Variants in LMBRD1 observed in about 807,000 individuals in gnomAD.
The protein encoded by LMBRD1 is lysosomal cobalamin transport escort protein LMBD1.
LMBRD1 carries 64 observed loss-of-function variants against 74.8 expected under a neutral mutation model. The observed-to-expected ratio is 0.86, with a 90% CI of 0.70 to 1.05. The LOEUF is 1.05. LMBRD1 is among the 50% of genes least tolerant of loss of function. LMBRD1 has a pLI of 0.00. For synonymous variants in LMBRD1, 204 were observed against 216.3 expected (o/e 0.94, Z 0.50); for missense variants, 652 against 645.9 (o/e 1.01, Z -0.10).
At chr6:69,780,585 ATGAAAC>A (rs1765810972) in intron 2 of LMBRD1, 31 bp from the exon 3 acceptor site, 1 of 1,508,604 alleles carries the variant, frequency 6.6e-7, no homozygotes, top group African/African-American at 1.4e-5. Flanking sequence ...AGAAATATTA[ATGAAAC>A]ACCCATTTGC....
intron 1 of LMBRD1, chr6:69,790,771 A>C (rs1582168892): frequency 5.3e-6 from 2 of 378,262 alleles, no homozygotes; most frequent in Admixed American, 4.1e-5. Context: ...CACAGTTATA[A>C]CTAGCTTTGA....
rs7757883 is a variant in LMBRD1 at position 69,735,444 on chromosome 6, A to T, written c.636+2498T>A. 8.2e-3 allele frequency among the ~76,000 whole-genome samples: 145 copies of T among 17,590 alleles called. No individual in the cohort carries two copies. In the East Asian group the frequency reaches 0.095, roughly 12 times the overall value. The allele number at this position is 17,590 out of a possible 152,430, so 11.5% of individuals were successfully genotyped here. On this transcript the variant is annotated intron_variant, in intron 7 of 15. Coordinates refer to ENST00000649934, the MANE Select transcript of LMBRD1 (RefSeq NM_018368.4). ...CATCAACATTATAGGAAAACAACATAAAAAAAAAAAAAAAGATGTTATTTG... is the reference window on the plus strand; with the variant it reads ...CATCAACATTATAGGAAAACAACATTAAAAAAAAAAAAAAGATGTTATTTG...
chr6:69,698,866 C>T (rs1162879892), intron 13 of LMBRD1, among the ~76,000 whole-genome samples, 177 bp downstream of exon 13: 3 of 151,592 alleles, frequency 2.0e-5, no homozygotes, highest in Non-Finnish European at 4.4e-5. Flanking sequence ...TTCAAAAAAA[C>T]AACAGTATGA....
intron 7 of LMBRD1, among the ~76,000 whole-genome samples, chr6:69,735,125 T>C (rs562849564): frequency 1.3e-5 from 2 of 152,350 alleles, no homozygotes; most frequent in South Asian, 4.1e-4. Context: ...TGCTCATTCA[T>C]TTTCCAAGCC....
At chr6:69,691,285 C>T (rs571355988) in intron 14 of LMBRD1, among the ~76,000 whole-genome samples, 1 of 150,624 alleles carries the variant, frequency 6.6e-6, no homozygotes, top group South Asian at 2.1e-4. Flanking sequence ...AGTCCTAAGT[C>T]TTATACTATC....
At chr6:69,680,328 TA>T (rs1375264309) in intron 14 of LMBRD1, among the ~76,000 whole-genome samples, 2 of 152,136 alleles carry the variant, frequency 1.3e-5, no homozygotes, top group African/African-American at 4.8e-5. Context: ...ACTTAAAAAA[TA>T]AAAGTTATTT....
At chr6:69,749,671 G>A (rs1582121339) in intron 4 of LMBRD1, among the ~76,000 whole-genome samples, 1 of 151,714 alleles carries the variant, frequency 6.6e-6, no homozygotes, top group Middle Eastern at 3.4e-3. Context: ...TAATTCTCCA[G>A]TAGGCATCTT....
At chr6:69,722,520 A>T in intron 7 of LMBRD1, among the ~76,000 whole-genome samples, 1 of 152,194 alleles carries the variant, frequency 6.6e-6, no homozygotes, top group Non-Finnish European at 1.5e-5. Context: ...AAGAGAAACA[A>T]CAAAAAGTTT....
At chr6:69,738,743 T>C (rs963451688) in intron 6 of LMBRD1, among the ~76,000 whole-genome samples, 20 of 152,226 alleles carry the variant, frequency 1.3e-4, no homozygotes, top group Middle Eastern at 3.4e-3. Context: ...TAAAATACTA[T>C]GCAAATTTGA....
At chr6:69,688,402 A>AT (rs758941295) in intron 14 of LMBRD1, among the ~76,000 whole-genome samples, 1,878 of 146,716 alleles carry the variant, frequency 0.013, 30 homozygotes, top group East Asian at 0.08. Context: ...AAGGGCAGAG[A>AT]TTTTTTTTTT....
At chr6:69,720,915 T>C (rs1766600177) in intron 7 of LMBRD1, among the ~76,000 whole-genome samples, 1 of 152,140 alleles carries the variant, frequency 6.6e-6, no homozygotes, top group African/African-American at 2.4e-5. Context: ...GGAAAGAGAA[T>C]CTTTTCGCTT....
chr6:69,730,725 A>C (rs768297217), intron 7 of LMBRD1, among the ~76,000 whole-genome samples: 1 of 152,154 alleles, frequency 6.6e-6, no homozygotes, highest in Non-Finnish European at 1.5e-5. Flanking sequence ...GTAAGTCAGG[A>C]GAAAGAGAAT....
chr6:69,710,910 A>G, intron 9 of LMBRD1, among the ~76,000 whole-genome samples: 1 of 152,200 alleles, frequency 6.6e-6, no homozygotes, highest in East Asian at 1.9e-4. Flanking sequence ...GCAGTTTCTT[A>G]TAAACATATT....
Position 69,719,041 on chromosome 6 carries a change from C to T in LMBRD1, c.677G>A (p.Gly226Asp), listed in dbSNP as rs1185264942. 1.2e-6 allele frequency: 2 copies of T among 1,612,900 alleles called. No homozygotes were observed. Among genetic ancestry groups the T allele is most frequent in the Admixed American group, 1.7e-5 (1 of 59,912 alleles). ...ACGTTCATAAGCAGCGCTTCTAGTG[C>T]CTTTTATCAGATTTAAAGGTAACGC... ...MSALPLNLIKGTRSAAYERLE... is the reference protein window; with the variant it reads ...MSALPLNLIKDTRSAAYERLE... The change falls in exon 8 of 16, where the codon GGC becomes GAC. Residue 226 changes from glycine (G) to aspartate (D), a missense_variant. Around this residue, in one of 3 missense-constraint regions of LMBRD1, gnomAD observed 598 missense variants for 581.8 expected, o/e 1.03. Transcript: ENST00000649934.
intron 4 of LMBRD1, among the ~76,000 whole-genome samples, chr6:69,750,613 G>A (rs1056824687): frequency 2.0e-5 from 3 of 151,754 alleles, no homozygotes; most frequent in Admixed American, 1.3e-4. Context: ...ATATTCTTTA[G>A]GAAAAAAACT....
intron 9 of LMBRD1, among the ~76,000 whole-genome samples, chr6:69,703,455 C>CAA (rs530645065): frequency 0.025 from 3,076 of 122,650 alleles, 120 homozygotes; most frequent in African/African-American, 0.082. Flanking sequence ...TCCATTTTGG[C>CAA]AAAAAAAAAA....
intron 14 of LMBRD1, among the ~76,000 whole-genome samples, chr6:69,681,512 C>A (rs1044224391): frequency 6.6e-6 from 1 of 151,870 alleles, no homozygotes; most frequent in Non-Finnish European, 1.5e-5. Context: ...ATTTTAAAAA[C>A]ATTTAATGTT....
intron 1 of LMBRD1, among the ~76,000 whole-genome samples, chr6:69,791,709 A>C (rs1766090168): frequency 1.3e-5 from 2 of 152,270 alleles, no homozygotes; most frequent in African/African-American, 4.8e-5. Context: ...TTCTACCGCA[A>C]GCAAGATACA....
chr6:69,683,521 T>C (rs917717643), intron 14 of LMBRD1, among the ~76,000 whole-genome samples: 11 of 152,168 alleles, frequency 7.2e-5, no homozygotes, highest in Non-Finnish European at 1.2e-4. Context: ...TTCTTAGAAA[T>C]AGTTCGATCT....
Sources: allele counts gnomAD v4.1 joint callset (sites outside exome capture counted in the v4.1 genomes callset), GRCh38; gene constraint gnomAD v4.1.1; regional missense constraint gnomAD v4.1.1; transcripts MANE v1.5; gene names NCBI Gene and HGNC (gene_info 2026-07-23, HGNC 2026-07-21).